Variants in ZC3H12B observed in about 807,000 individuals in gnomAD.
The protein encoded by ZC3H12B is zinc finger CCCH-type containing 12B.
A neutral mutation model predicts 43.9 loss-of-function variants in ZC3H12B; 7 were observed. The observed-to-expected ratio is 0.16, with a 90% confidence interval of 0.09 to 0.30. The LOEUF is 0.30. Ranked by LOEUF, ZC3H12B falls within the 10% of genes least tolerant of loss-of-function variation. ZC3H12B has a pLI of 1.00. For synonymous variants in ZC3H12B, 222 were observed against 241.7 expected (o/e 0.92, Z 0.76); for missense variants, 475 against 670.2 (o/e 0.71, Z 3.22).
the ZC3H12B span, among the ~76,000 whole-genome samples, chrX:65,276,819 G>C: frequency 1.8e-5 from 2 of 111,565 alleles, no homozygotes; most frequent in Non-Finnish European, 3.8e-5. Flanking sequence ...AATAATAGGA[G>C]AGTGAGTAAA....
At chrX:65,161,001 C>T in the ZC3H12B span, among the ~76,000 whole-genome samples, 6 of 110,829 alleles carry the variant, frequency 5.4e-5, no homozygotes, top group Admixed American at 3.9e-4. Flanking sequence ...TTTATTTCTG[C>T]CTTCATTTTG....
chrX:65,167,211 G>T, the ZC3H12B span, among the ~76,000 whole-genome samples: 2 of 111,373 alleles, frequency 1.8e-5, no homozygotes, highest in South Asian at 7.5e-4. Flanking sequence ...TCTTGAATTA[G>T]TTTTTGTATA....
the ZC3H12B span, among the ~76,000 whole-genome samples, chrX:65,263,420 A>T: frequency 3.6e-5 from 4 of 110,779 alleles, no homozygotes; most frequent in Non-Finnish European, 5.7e-5. Flanking sequence ...CAGGCAAAAG[A>T]GCATCCTAGG....
At chrX:65,499,411 A>T (rs781632858) in intron 3 of ZC3H12B, 178 bp downstream of exon 8, 8 of 410,398 alleles carry the variant, frequency 1.9e-5, no homozygotes, top group Non-Finnish European at 3.3e-5. Context: ...TAGAGGAGCG[A>T]AAGAGACAAC....
At chrX:65,248,775 G>A in the ZC3H12B span, among the ~76,000 whole-genome samples, 2 of 111,694 alleles carry the variant, frequency 1.8e-5, no homozygotes, top group African/African-American at 3.3e-5. Context: ...ATGGCCATTC[G>A]TGCAGGACTA....
At chrX:65,148,329 A>G in the ZC3H12B span, among the ~76,000 whole-genome samples, 1 of 110,089 alleles carries the variant, frequency 9.1e-6, no homozygotes, top group Non-Finnish European at 1.9e-5. Flanking sequence ...GTAATTGCAG[A>G]GCTAGCCTGG....
the ZC3H12B span, among the ~76,000 whole-genome samples, chrX:65,113,985 G>GTATATATATATATATATATATA: frequency 5.7e-4 from 27 of 47,475 alleles, 3 homozygotes; most frequent in East Asian, 1.4e-3. Flanking sequence ...AGATATGCTT[G>GTATATATATATATATATATATA]TATATATATA....
the ZC3H12B span, among the ~76,000 whole-genome samples, chrX:65,226,072 G>T: frequency 4.5e-5 from 5 of 111,320 alleles, no homozygotes; most frequent in African/African-American, 1.6e-4. Flanking sequence ...ACACATAATT[G>T]TCAGATTCAC....
the ZC3H12B span, among the ~76,000 whole-genome samples, chrX:65,236,089 T>C: frequency 8.9e-6 from 1 of 111,771 alleles, no homozygotes. Context: ...AAAACACCAT[T>C]TTATTTTGTA....
chrX:65,158,222 G>A, the ZC3H12B span, among the ~76,000 whole-genome samples: 130 of 109,765 alleles, frequency 1.2e-3, no homozygotes, highest in Non-Finnish European at 1.8e-3. Flanking sequence ...GAATAGTGCC[G>A]CAATAAACAT....
chrX:65,139,472 G>A, the ZC3H12B span, among the ~76,000 whole-genome samples: 5 of 111,914 alleles, frequency 4.5e-5, no homozygotes, highest in South Asian at 1.9e-3. Flanking sequence ...GTAGCATGCT[G>A]TTTTGTTGCT....
chrX:65,126,051 T>G, the ZC3H12B span, among the ~76,000 whole-genome samples: 32 of 92,269 alleles, frequency 3.5e-4, no homozygotes, highest in African/African-American at 1.2e-3. Context: ...GTGTGTGTGT[T>G]TTTTTTTTTT....
intron 3 of ZC3H12B, among the ~76,000 whole-genome samples, chrX:65,451,092 C>T (rs752326531): frequency 4.2e-4 from 45 of 108,266 alleles, no homozygotes; most frequent in Non-Finnish European, 7.1e-4. Flanking sequence ...GAATTACAGG[C>T]GCATGCCACC....
At chrX:65,228,978 C>T in the ZC3H12B span, among the ~76,000 whole-genome samples, 11 of 111,276 alleles carry the variant, frequency 9.9e-5, no homozygotes, top group East Asian at 2.8e-4. Context: ...TTGTAGATTC[C>T]ATGCCATCCC....
chrX:65,057,594 G>A, the ZC3H12B span, among the ~76,000 whole-genome samples: 3 of 110,965 alleles, frequency 2.7e-5, no homozygotes, highest in Non-Finnish European at 5.7e-5. Context: ...TATCTTCGTG[G>A]CATTCTCTGT....
the ZC3H12B span, among the ~76,000 whole-genome samples, chrX:65,206,865 C>T: frequency 9.1e-6 from 1 of 110,141 alleles, no homozygotes; most frequent in Admixed American, 9.8e-5. Flanking sequence ...AGACAATTTG[C>T]AAAAGAAGAT....
intron 2 of ZC3H12B, among the ~76,000 whole-genome samples, chrX:65,377,294 T>A (rs2066360246): frequency 9.1e-6 from 1 of 109,731 alleles, no homozygotes; most frequent in Non-Finnish European, 1.9e-5. Flanking sequence ...AGAGCAAATT[T>A]AAGAGTTATT....
At chrX:65,382,873 A>C (rs753269103) in intron 2 of ZC3H12B, among the ~76,000 whole-genome samples, 1 of 111,426 alleles carries the variant, frequency 9.0e-6, no homozygotes, top group South Asian at 3.8e-4. Flanking sequence ...AGAGAATAAA[A>C]TACCTAGGAA....
the ZC3H12B span, among the ~76,000 whole-genome samples, chrX:65,212,468 A>AATT: frequency 0.13 from 8,322 of 66,046 alleles, 1,702 homozygotes; most frequent in African/African-American, 0.52. Flanking sequence ...TATGTAATAT[A>AATT]ATTATATAAA....
Sources: gnomAD v4.1 joint callset for allele counts (sites outside exome capture counted in the v4.1 genomes callset) on GRCh38, gnomAD v4.1.1 for gene constraint, MANE v1.5 for transcripts, NCBI Gene and HGNC (gene_info 2026-07-23, HGNC 2026-07-21) for gene names.